Variants in FBXO11 observed in about 807,000 individuals in gnomAD.
FBXO11 encodes the protein F-box only protein 11.
Under a neutral mutation model 117.0 loss-of-function variants are expected in FBXO11, and 13 were observed. The observed-to-expected ratio is 0.11, with a 90% CI of 0.07 to 0.18. The LOEUF is 0.18. Among genes scored for constraint, FBXO11 ranks in the 10% least tolerant of loss-of-function variants. FBXO11 has a pLI of 1.00. For synonymous variants in FBXO11, 490 were observed against 380.5 expected, an observed-to-expected ratio of 1.29 and a Z score of -3.35; for missense variants, 767 against 1,164.4, an observed-to-expected ratio of 0.66 and a Z score of 4.97.
intron 1 of FBXO11, among the ~76,000 whole-genome samples, chr2:47,853,162 C>A (rs1479412401): frequency 6.6e-6 from 1 of 151,800 alleles, no homozygotes; most frequent in African/African-American, 2.4e-5. Context: ...ACCTCCGCCT[C>A]CTGAGTTCAA....
chr2:47,848,224 C>G (rs1430525442), intron 1 of FBXO11, among the ~76,000 whole-genome samples: 1 of 152,184 alleles, frequency 6.6e-6, no homozygotes, highest in Non-Finnish European at 1.5e-5. Flanking sequence ...GATCCCCAAC[C>G]CCGGGGCCAG....
chr2:47,816,528 A>T (rs778851929), intron 16 of FBXO11, among the ~76,000 whole-genome samples: 3 of 152,200 alleles, frequency 2.0e-5, no homozygotes, highest in Non-Finnish European at 4.4e-5. Context: ...AATCCTTTCC[A>T]GAGGTTTTCA....
chr2:47,887,679 G>A (rs1193690669), intron 1 of FBXO11, among the ~76,000 whole-genome samples: 1 of 151,994 alleles, frequency 6.6e-6, no homozygotes, highest in Non-Finnish European at 1.5e-5. Context: ...TGGGCAACAT[G>A]GTGAAATCTC....
At chr2:47,856,480 G>A (rs1173657068) in intron 1 of FBXO11, among the ~76,000 whole-genome samples, 1 of 152,088 alleles carries the variant, frequency 6.6e-6, no homozygotes, top group African/African-American at 2.4e-5. Flanking sequence ...AGAGGGCTCT[G>A]GGAATGAAAT....
chr2:47,882,353 G>A (rs1676492103), intron 1 of FBXO11, among the ~76,000 whole-genome samples: 1 of 152,086 alleles, frequency 6.6e-6, no homozygotes, highest in Admixed American at 6.6e-5. Flanking sequence ...AAGGTTTCTG[G>A]CTATTGAAAG....
intron 14 of FBXO11, among the ~76,000 whole-genome samples, chr2:47,819,976 G>T (rs1671266288): frequency 6.6e-6 from 1 of 152,118 alleles, no homozygotes; most frequent in Non-Finnish European, 1.5e-5. Context: ...AAATTCAAAT[G>T]AAAAAGTGGC....
intron 1 of FBXO11, among the ~76,000 whole-genome samples, chr2:47,856,892 T>A (rs957997452): frequency 7.7e-4 from 117 of 152,196 alleles, no homozygotes; most frequent in African/African-American, 2.8e-3. Flanking sequence ...ATTATCCAAG[T>A]TGAAGAAACA....
intron 11 of FBXO11, among the ~76,000 whole-genome samples, chr2:47,831,427 GAAAAAAAAAAAAAA>G (rs920107554): frequency 4.6e-5 from 3 of 65,748 alleles, no homozygotes; most frequent in Non-Finnish European, 8.5e-5. Flanking sequence ...GTCTCAAAAA[GAAAAAAAAAAAAAA>G]AAAAAAAGAA....
At position 47,839,588 on chromosome 2, in the gene FBXO11, G is replaced by A. The variant is rs1032895631; in HGVS notation, c.360+54C>T. On this transcript the variant is annotated intron_variant, in intron 2 of 22. Coordinates refer to ENST00000403359, the MANE Select transcript of FBXO11 (RefSeq NM_001190274.2). The stretch of plus-strand genomic sequence containing the variant: ...AAAAAAGGATGACATTCCCTTTTTT[G>A]TTTCTTGAAAATTCTTTCATTACAA... 2.6e-5 allele frequency: 42 copies of A among 1,601,608 alleles called. No homozygotes were observed. The African/African-American group carries it at 3.9e-4, about 15-fold the overall frequency.
At chr2:47,867,885 T>A (rs1675314007) in intron 1 of FBXO11, among the ~76,000 whole-genome samples, 1 of 152,152 alleles carries the variant, frequency 6.6e-6, no homozygotes, top group South Asian at 2.1e-4. Context: ...CATTAATTCA[T>A]CCCATGTTAG....
At chr2:47,842,865 G>T (rs1030890643) in intron 1 of FBXO11, among the ~76,000 whole-genome samples, 5 of 150,866 alleles carry the variant, frequency 3.3e-5, no homozygotes, top group Non-Finnish European at 7.4e-5. Context: ...ACTGCAGCCT[G>T]TATCTCCTGG....
intron 1 of FBXO11, among the ~76,000 whole-genome samples, chr2:47,866,800 C>T (rs565094348): frequency 6.6e-6 from 1 of 152,258 alleles, no homozygotes; most frequent in South Asian, 2.1e-4. Context: ...TAAAACCTTT[C>T]AGCTGCATGT....
intron 1 of FBXO11, among the ~76,000 whole-genome samples, chr2:47,868,282 C>CA (rs371849610): frequency 0.23 from 18,165 of 80,180 alleles, 1,804 homozygotes; most frequent in Middle Eastern, 0.29. Flanking sequence ...ACTCTACCTC[C>CA]AAAAAAAAAA....
At chr2:47,811,141 G>A (rs925231849) in intron 18 of FBXO11, 2 of 152,172 alleles carry the variant, frequency 1.3e-5, no homozygotes, top group Non-Finnish European at 2.9e-5. Flanking sequence ...CACTCCCTGG[G>A]TATTAATATT....
intron 14 of FBXO11, 118 bp downstream of exon 14, chr2:47,820,244 C>G (rs531205465): frequency 1.4e-5 from 8 of 556,804 alleles, no homozygotes; most frequent in African/African-American, 1.1e-4. Context: ...CTATTAAAGA[C>G]AGTCACAAAT....
chr2:47,890,460 T>C (rs1484759844), intron 1 of FBXO11, among the ~76,000 whole-genome samples: 1 of 152,146 alleles, frequency 6.6e-6, no homozygotes, highest in East Asian at 1.9e-4. Context: ...ATGCCCTACA[T>C]GGGGACTGTA....
At chr2:47,874,521 A>G (rs570413411) in intron 1 of FBXO11, among the ~76,000 whole-genome samples, 3 of 151,912 alleles carry the variant, frequency 2.0e-5, no homozygotes, top group Admixed American at 1.3e-4. Context: ...ACACACAAAC[A>G]CCGTACAAAA....
intron 1 of FBXO11, among the ~76,000 whole-genome samples, chr2:47,860,059 G>A (rs946153067): frequency 2.0e-5 from 3 of 152,154 alleles, no homozygotes; most frequent in Non-Finnish European, 4.4e-5. Context: ...TAGGAGACAT[G>A]TCTGTTTTTA....
intron 11 of FBXO11, among the ~76,000 whole-genome samples, chr2:47,824,311 C>T (rs1009404289): frequency 1.4e-4 from 21 of 152,080 alleles, no homozygotes; most frequent in African/African-American, 4.6e-4. Flanking sequence ...AACAGTGAGA[C>T]GTCGTCTCTA....
Sources: allele counts gnomAD v4.1 joint callset (sites outside exome capture counted in the v4.1 genomes callset), GRCh38; gene constraint gnomAD v4.1.1; transcripts MANE v1.5; gene names NCBI Gene and HGNC (gene_info 2026-07-23, HGNC 2026-07-21).